SLC9C1: variants seen among roughly 807,000 people sequenced by gnomAD.
The protein encoded by SLC9C1 is sodium/hydrogen exchanger 10.
SLC9C1 carries 97 observed loss-of-function variants against 140.9 expected under a neutral mutation model. That is an observed-to-expected ratio of 0.69 (90% CI 0.58 to 0.82). The LOEUF is 0.82. SLC9C1 is among the 40% of genes least tolerant of loss of function. The pLI, the probability that SLC9C1 is intolerant of heterozygous loss-of-function variation, is 0.00. For missense variants in SLC9C1, 1,340 were observed against 1,389.3 expected (o/e 0.96, Z 0.56); for synonymous variants, 440 against 442.6 (o/e 0.99, Z 0.07).
chr3:112,146,823 C>A (rs1470571591), intron 28 of SLC9C1, among the ~76,000 whole-genome samples: 1 of 151,982 alleles, frequency 6.6e-6, no homozygotes, highest in Non-Finnish European at 1.5e-5. Context: ...CTATTAGGTC[C>A]AAGTGTTGAG....
intron 10 of SLC9C1, among the ~76,000 whole-genome samples, chr3:112,257,958 A>C (rs908153227): frequency 6.6e-6 from 1 of 152,196 alleles, no homozygotes; most frequent in Non-Finnish European, 1.5e-5. Context: ...AGTATCATTG[A>C]TCATTAGAGT....
At chr3:112,287,423 C>G (rs2080541735) in intron 1 of SLC9C1, among the ~76,000 whole-genome samples, 1 of 152,146 alleles carries the variant, frequency 6.6e-6, no homozygotes, top group African/African-American at 2.4e-5. Flanking sequence ...ACTGACAGAC[C>G]AGGTGTTCTC....
At chr3:112,253,905 T>G (rs1435743437) in intron 10 of SLC9C1, among the ~76,000 whole-genome samples, 1 of 152,180 alleles carries the variant, frequency 6.6e-6, no homozygotes, top group Non-Finnish European at 1.5e-5. Context: ...AGATCTGATC[T>G]GAGAGAGCTG....
At chr3:112,191,569 T>C (rs892051357) in intron 20 of SLC9C1, among the ~76,000 whole-genome samples, 1 of 152,168 alleles carries the variant, frequency 6.6e-6, no homozygotes, top group Non-Finnish European at 1.5e-5. Context: ...TGAATGATTC[T>C]TTCAATGTGT....
At chr3:112,284,988 T>TTTTC (rs1553707442) in intron 2 of SLC9C1, among the ~76,000 whole-genome samples, 3 of 136,032 alleles carry the variant, frequency 2.2e-5, no homozygotes, top group Admixed American at 7.3e-5. Context: ...AATTTTTCTT[T>TTTTC]TTTTTTTTTT....
chr3:112,181,461 G>C (rs1200615217), intron 21 of SLC9C1, among the ~76,000 whole-genome samples: 3 of 152,112 alleles, frequency 2.0e-5, no homozygotes. Context: ...AAGAATATTA[G>C]AACAAGTTAG....
intron 15 of SLC9C1, among the ~76,000 whole-genome samples, chr3:112,212,575 C>A (rs1009363417): frequency 6.6e-6 from 1 of 152,020 alleles, no homozygotes; most frequent in Non-Finnish European, 1.5e-5. Flanking sequence ...GCTTCAGTAG[C>A]CAATTAGATC....
intron 1 of SLC9C1, among the ~76,000 whole-genome samples, chr3:112,289,676 CTATCTCTGAG>C (rs1270394570): frequency 6.6e-6 from 1 of 152,182 alleles, no homozygotes; most frequent in Non-Finnish European, 1.5e-5. Flanking sequence ...ATACTGAGTC[CTATCTCTGAG>C]TATTAGATCA....
At chr3:112,272,004 A>G (rs1248774188) in intron 6 of SLC9C1, among the ~76,000 whole-genome samples, 2 of 152,188 alleles carry the variant, frequency 1.3e-5, no homozygotes, top group East Asian at 3.8e-4. Flanking sequence ...TATTTTGCCT[A>G]ATTGCTTTCC....
At chr3:112,264,096 G>A (rs1420796325) in intron 9 of SLC9C1, 104 bp downstream of exon 9, 5 of 555,426 alleles carry the variant, frequency 9.0e-6, no homozygotes, top group Non-Finnish European at 2.6e-6. Flanking sequence ...GAAAGTTTGA[G>A]TCAATTTTTC....
chr3:112,151,904 T>C lies in SLC9C1; in HGVS notation c.3477A>G (p.Thr1159=). ...TAGGGGACTCCTTACAGTTGAACTT[T>C]GTCCCCAGCAGGGAGCAAGGCTGGG... is the stretch of plus-strand genomic sequence containing the variant. ...RSPQPCSLLG[T]KFNCKESPRI... is the part of the protein sequence containing the mutation. Residue 1159 remains threonine, a synonymous_variant, in exon 28 of 29, where the codon ACA becomes ACG. Coordinates refer to ENST00000305815, the MANE Select transcript of SLC9C1 (RefSeq NM_183061.3). 2 of 1,610,428 alleles carry C rather than the reference T, an allele frequency of 1.2e-6. No individual in the cohort carries two copies. The highest frequency in any genetic ancestry group is 1.7e-6 in the Non-Finnish European group (2 of 1,178,950).
intron 20 of SLC9C1, among the ~76,000 whole-genome samples, chr3:112,188,016 A>C (rs539788473): frequency 6.6e-6 from 1 of 152,006 alleles, no homozygotes; most frequent in Non-Finnish European, 1.5e-5. Context: ...ATATGTTTCC[A>C]CATCTATTTA....
At chr3:112,251,444 C>T (rs548697265) in intron 10 of SLC9C1, among the ~76,000 whole-genome samples, 1 of 152,252 alleles carries the variant, frequency 6.6e-6, no homozygotes, top group East Asian at 1.9e-4. Context: ...GCCATCCAAG[C>T]ACACGTGGAG....
intron 23 of SLC9C1, among the ~76,000 whole-genome samples, chr3:112,172,813 T>G (rs1489143328): frequency 6.6e-6 from 1 of 152,082 alleles, no homozygotes; most frequent in Admixed American, 6.5e-5. Context: ...AAATTTTCTG[T>G]TTTTTTCTTA....
chr3:112,227,377 A>G (rs773143751), intron 13 of SLC9C1, among the ~76,000 whole-genome samples: 1 of 152,190 alleles, frequency 6.6e-6, no homozygotes, highest in Non-Finnish European at 1.5e-5. Context: ...CAGCACATCA[A>G]AAAGATTATA....
At chr3:112,217,385 A>C (rs2078409998) in intron 15 of SLC9C1, 57 bp downstream of exon 15, 4 of 1,500,852 alleles carry the variant, frequency 2.7e-6, no homozygotes, top group Non-Finnish European at 3.5e-6. Context: ...TAAAAGAAAA[A>C]ACAGGGAATT....
intron 10 of SLC9C1, among the ~76,000 whole-genome samples, chr3:112,251,895 A>G (rs570809717): frequency 2.0e-5 from 3 of 152,182 alleles, no homozygotes; most frequent in Admixed American, 1.3e-4. Context: ...CCCCTGAATC[A>G]TCTCCTTTCC....
intron 10 of SLC9C1, among the ~76,000 whole-genome samples, chr3:112,254,268 T>C (rs1324176241): frequency 2.0e-5 from 3 of 151,898 alleles, no homozygotes; most frequent in Non-Finnish European, 4.4e-5. Flanking sequence ...AAGAAGATCA[T>C]CCCCAAGACA....
intron 12 of SLC9C1, among the ~76,000 whole-genome samples, chr3:112,238,243 T>C (rs2079045345): frequency 6.6e-6 from 1 of 152,246 alleles, no homozygotes; most frequent in Admixed American, 6.5e-5. Context: ...TTCCAGTTGA[T>C]TGAATCGGCT....
Sources: gnomAD v4.1 joint callset for allele counts (sites outside exome capture counted in the v4.1 genomes callset) on GRCh38, gnomAD v4.1.1 for gene constraint, MANE v1.5 for transcripts, NCBI Gene and HGNC (gene_info 2026-07-23, HGNC 2026-07-21) for gene names.